GSG1L: variants seen among roughly 807,000 people sequenced by gnomAD.
GSG1L encodes GSG1 like.
In GSG1L, 24 loss-of-function variants were observed where a neutral mutation model predicts 42.1. The observed-to-expected ratio is 0.57, with a 90% CI of 0.41 to 0.80. GSG1L has a LOEUF of 0.80. Among genes scored for constraint, GSG1L ranks in the 30% least tolerant of loss-of-function variants. GSG1L has a pLI of 0.00. For missense variants in GSG1L, 445 were observed against 472.2 expected, an observed-to-expected ratio of 0.94 and a Z score of 0.53; for synonymous variants, 215 against 203.5, an observed-to-expected ratio of 1.06 and a Z score of -0.48.
chr16:27,870,651 C>T (rs1207814659), intron 3 of GSG1L, among the ~76,000 whole-genome samples: 1 of 151,542 alleles, frequency 6.6e-6, no homozygotes, highest in African/African-American at 2.5e-5. Context: ...GGAGGTCCTG[C>T]CTCAAACCTC....
At chr16:27,928,512 G>GAAAAA (rs941393475) in intron 2 of GSG1L, among the ~76,000 whole-genome samples, 2 of 113,922 alleles carry the variant, frequency 1.8e-5, no homozygotes, top group Admixed American at 2.0e-4. Flanking sequence ...GGAAAGAAAA[G>GAAAAA]AAAAGAAAAC....
chr16:28,009,618 C>T (rs2085689808), intron 1 of GSG1L, among the ~76,000 whole-genome samples: 1 of 152,212 alleles, frequency 6.6e-6, no homozygotes, highest in Non-Finnish European at 1.5e-5. Flanking sequence ...CGTCTCTGGC[C>T]CTACCAGGCA....
intron 4 of GSG1L, among the ~76,000 whole-genome samples, chr16:27,832,225 C>A (rs1216168148): frequency 6.6e-6 from 1 of 152,062 alleles, no homozygotes; most frequent in Non-Finnish European, 1.5e-5. Flanking sequence ...AGAGAGAGAA[C>A]CCATGTGCCC....
At chr16:27,809,378 G>A (rs1179335885) in intron 5 of GSG1L, among the ~76,000 whole-genome samples, 2 of 150,782 alleles carry the variant, frequency 1.3e-5, no homozygotes. Flanking sequence ...ACTCCAGCCT[G>A]GGCAACATAG....
At chr16:27,976,515 A>G (rs1191008822) in intron 1 of GSG1L, among the ~76,000 whole-genome samples, 3 of 152,196 alleles carry the variant, frequency 2.0e-5, no homozygotes, top group Non-Finnish European at 2.9e-5. Context: ...TCCAGAATGT[A>G]TGGCCACAGT....
chr16:27,879,587 C>T (rs1342132239), intron 3 of GSG1L, among the ~76,000 whole-genome samples: 1 of 152,126 alleles, frequency 6.6e-6, no homozygotes, highest in African/African-American at 2.4e-5. Context: ...TGCACTCTAG[C>T]CTGGGCAACA....
rs945248971 is a variant in GSG1L at position 27,794,583 on chromosome 16, G to A, written c.899-3116C>T. On this transcript the variant is annotated intron_variant, in intron 6 of 6. Transcript: ENST00000447459. ...CCTGACCTCGTGATCCACCCGCCTC[G>A]GCCTCCCAAAGTGCTGGGATTACAG... is the stretch of plus-strand genomic sequence containing the variant. Among the ~76,000 whole-genome samples, 12 of 152,088 alleles carry A rather than the reference G, an allele frequency of 7.9e-5. No homozygotes were observed. The East Asian group carries it at 2.1e-3, about 27-fold the overall frequency.
chr16:27,880,668 G>C (rs2083940815), intron 3 of GSG1L, among the ~76,000 whole-genome samples: 1 of 152,166 alleles, frequency 6.6e-6, no homozygotes, highest in South Asian at 2.1e-4. Flanking sequence ...GAAACTTTCA[G>C]AACCCCTTGG....
intron 4 of GSG1L, among the ~76,000 whole-genome samples, chr16:27,837,650 C>T (rs2083335316): frequency 6.6e-6 from 1 of 152,216 alleles, no homozygotes; most frequent in Non-Finnish European, 1.5e-5. Context: ...TGTTACTGCC[C>T]AGCAGAGATG....
intron 2 of GSG1L, among the ~76,000 whole-genome samples, chr16:27,900,113 C>T (rs1439300003): frequency 6.6e-6 from 1 of 152,202 alleles, no homozygotes. Flanking sequence ...ACAGCAGTGA[C>T]TGCACAAACC....
At chr16:27,883,537 C>T (rs925290299) in intron 3 of GSG1L, among the ~76,000 whole-genome samples, 2 of 152,186 alleles carry the variant, frequency 1.3e-5, no homozygotes, top group African/African-American at 4.8e-5. Context: ...GTCAAATGTA[C>T]ATACCTCAAT....
At chr16:27,896,821 C>T (rs11642634) in intron 2 of GSG1L, among the ~76,000 whole-genome samples, 67,817 of 152,152 alleles carry the variant, frequency 0.45, 16,503 homozygotes, top group Non-Finnish European at 0.53. Flanking sequence ...CCCCTTGAAC[C>T]TCCAGAAAGG....
At chr16:27,866,862 G>A (rs978944291) in intron 3 of GSG1L, among the ~76,000 whole-genome samples, 1 of 152,068 alleles carries the variant, frequency 6.6e-6, no homozygotes, top group African/African-American at 2.4e-5. Context: ...ATGAGCCACC[G>A]AAACCGGCCC....
At chr16:28,054,357 T>C (rs991622055) in intron 1 of GSG1L, among the ~76,000 whole-genome samples, 5 of 152,158 alleles carry the variant, frequency 3.3e-5, no homozygotes, top group African/African-American at 7.2e-5. Flanking sequence ...CAAGTCCTCT[T>C]CCATATCTCA....
chr16:27,932,732 T>G (rs2084670487), intron 2 of GSG1L, among the ~76,000 whole-genome samples: 2 of 152,086 alleles, frequency 1.3e-5, no homozygotes, highest in African/African-American at 4.8e-5. Context: ...ACATGTGACT[T>G]GCTTTGTCCA....
intron 2 of GSG1L, among the ~76,000 whole-genome samples, chr16:27,953,389 T>A (rs1054915452): frequency 6.6e-6 from 1 of 152,188 alleles, no homozygotes; most frequent in African/African-American, 2.4e-5. Context: ...CATGCCTGGC[T>A]GTACATTGTT....
At chr16:27,820,519 A>G (rs532130938) in intron 5 of GSG1L, among the ~76,000 whole-genome samples, 53 of 152,262 alleles carry the variant, frequency 3.5e-4, no homozygotes, top group African/African-American at 1.0e-3. Context: ...AGGCTCCCCC[A>G]CAGCAAACAG....
At chr16:27,986,234 T>G (rs2085380220) in intron 1 of GSG1L, among the ~76,000 whole-genome samples, 1 of 152,174 alleles carries the variant, frequency 6.6e-6, no homozygotes, top group Non-Finnish European at 1.5e-5. Flanking sequence ...GCGCAATGGC[T>G]CATGCCTATA....
intron 4 of GSG1L, among the ~76,000 whole-genome samples, chr16:27,836,053 C>T (rs904260373): frequency 6.6e-6 from 1 of 152,106 alleles, no homozygotes; most frequent in South Asian, 2.1e-4. Context: ...CTTAGTTTTT[C>T]TTCATCTGAG....
Sources: gnomAD v4.1 joint callset for allele counts (sites outside exome capture counted in the v4.1 genomes callset) on GRCh38, gnomAD v4.1.1 for gene constraint, MANE v1.5 for transcripts, NCBI Gene and HGNC (gene_info 2026-07-23, HGNC 2026-07-21) for gene names.